DPRX: variants seen among roughly 807,000 people sequenced by gnomAD.
DPRX encodes the protein divergent-paired related homeobox.
Under a neutral mutation model 8.4 loss-of-function variants are expected in DPRX, and 11 were observed. That is an observed-to-expected ratio of 1.31 (90% CI 0.82 to 2.17). DPRX has a LOEUF of 2.17. Among genes scored for constraint, DPRX ranks in the 30% most tolerant of loss-of-function variants. The pLI, the probability that DPRX is intolerant of heterozygous loss-of-function variation, is 0.00. For missense variants in DPRX, 211 were observed against 236.7 expected (o/e 0.89, Z 0.71); for synonymous variants, 72 against 87.0 (o/e 0.83, Z 0.96).
chr19:53,618,639 A>T, the DPRX span, among the ~76,000 whole-genome samples: 1 of 145,782 alleles, frequency 6.9e-6, no homozygotes, highest in East Asian at 2.0e-4. Context: ...AAAAAAGAGT[A>T]CTAAAGACTC....
exon 2 of DPRX, chr19:53,634,585 T>C: frequency 6.2e-7 from 1 of 1,613,988 alleles, no homozygotes; most frequent in Non-Finnish European, 8.5e-7. Context: ...AAGAAGCAAC[T>C]GGAAGATCTG....
At chr19:53,620,606 C>G in the DPRX span, among the ~76,000 whole-genome samples, 8 of 152,066 alleles carry the variant, frequency 5.3e-5, no homozygotes, top group Non-Finnish European at 1.2e-4. Flanking sequence ...CTCAAGTGAT[C>G]TGTCTGCCTT....
At chr19:53,617,620 A>G in the DPRX span, among the ~76,000 whole-genome samples, 1 of 152,008 alleles carries the variant, frequency 6.6e-6, no homozygotes, top group Non-Finnish European at 1.5e-5. Flanking sequence ...GCTCCTGTCA[A>G]TGAAGTTTTA....
At chr19:53,603,393 G>A in the DPRX span, 5 of 456,346 alleles carry the variant, frequency 1.1e-5, no homozygotes, top group African/African-American at 4.0e-5. Context: ...GCCCCATCTC[G>A]GGGTGGGGAT....
At chr19:53,626,668 T>C in the DPRX span, among the ~76,000 whole-genome samples, 3 of 152,122 alleles carry the variant, frequency 2.0e-5, no homozygotes, top group African/African-American at 7.2e-5. Flanking sequence ...GGTTTGGCAA[T>C]GAGTGTTAGT....
chr19:53,618,008 GC>G, the DPRX span, among the ~76,000 whole-genome samples: 2 of 151,700 alleles, frequency 1.3e-5, no homozygotes, highest in South Asian at 2.1e-4. Context: ...CGTGGTGGTG[GC>G]GGGGCACCTG....
rs772049924 is a variant in DPRX at position 53,634,719 on chromosome 19, C to T, written c.183+34C>T. 7 of 1,593,454 alleles carry T rather than the reference C, an allele frequency of 4.4e-6. No homozygotes were observed. The South Asian group carries it at 6.9e-5, about 16-fold the overall frequency. On this transcript the variant is annotated intron_variant, in intron 2 of 2. Coordinates refer to ENST00000376650, the Ensembl canonical transcript of DPRX. ...ATGATCCCTCTTCTCACTAAACTGC[C>T]TTCCTGATCTAATCTAAATTCAGAG...
intron 1 of DPRX, among the ~76,000 whole-genome samples, chr19:53,633,024 G>T (rs1299687188): frequency 1.3e-5 from 2 of 152,062 alleles, no homozygotes; most frequent in South Asian, 4.2e-4. Flanking sequence ...CGAGGCATGC[G>T]GTGGCTCATG....
At chr19:53,634,766 G>A (rs1168625038) in intron 2 of DPRX, 81 bp downstream of exon 2, 1 of 1,510,152 alleles carries the variant, frequency 6.6e-7, no homozygotes, top group African/African-American at 1.4e-5. Context: ...TAATTCCTGA[G>A]GTCTCATTCC....
the DPRX span, chr19:53,604,535 T>A: frequency 6.6e-6 from 1 of 152,482 alleles, no homozygotes; most frequent in African/African-American, 2.4e-5. Flanking sequence ...CAGGGTGAGT[T>A]CCAATGTTCC....
At chr19:53,607,894 C>T in the DPRX span, among the ~76,000 whole-genome samples, 1 of 144,740 alleles carries the variant, frequency 6.9e-6, no homozygotes, top group Non-Finnish European at 1.5e-5. Context: ...AAAAACAGGC[C>T]AGGCACAGTG....
chr19:53,622,138 C>T, the DPRX span, among the ~76,000 whole-genome samples: 1 of 152,312 alleles, frequency 6.6e-6, no homozygotes, highest in Admixed American at 6.5e-5. Flanking sequence ...TCTGAGGAGG[C>T]ATCCCTTGGT....
At chr19:53,609,539 A>G in the DPRX span, among the ~76,000 whole-genome samples, 1 of 150,594 alleles carries the variant, frequency 6.6e-6, no homozygotes, top group African/African-American at 2.4e-5. Context: ...CATATAGAGC[A>G]ATGGTACAGT....
the DPRX span, among the ~76,000 whole-genome samples, chr19:53,618,150 AAAAAAG>A: frequency 1.5e-5 from 2 of 134,916 alleles, no homozygotes; most frequent in Non-Finnish European, 3.1e-5. Flanking sequence ...TTCAAAAAAA[AAAAAAG>A]AAAGAAAGAA....
chr19:53,636,813 AC>A lies in DPRX; in HGVS notation c.405del (p.Asn136ThrfsTer14), dbSNP rs2091114713. ...GTCCCCTCATTCCAGCTCATCCTGT[AC>A]CCCAACCTCAAGGTCCCTGCAAATG... On this transcript the variant is annotated frameshift_variant, in exon 3 of 3. Coordinates refer to ENST00000376650, the Ensembl canonical transcript of DPRX. LOFTEE classifies it low-confidence loss of function (END_TRUNC). 1.9e-6 allele frequency: 3 copies of A among 1,614,008 alleles called. No individual in the cohort carries two copies. The Admixed American group carries it at 5.0e-5, about 27-fold the overall frequency.
intron 1 of DPRX, among the ~76,000 whole-genome samples, 166 bp downstream of exon 1, chr19:53,632,300 GT>G (rs1282412434): frequency 7.2e-5 from 11 of 151,854 alleles, no homozygotes; most frequent in East Asian, 1.9e-4. Flanking sequence ...TTGTTGTTTT[GT>G]TTTGTTTTGT....
upstream of DPRX, among the ~76,000 whole-genome samples, chr19:53,628,241 C>T (rs2091078535): frequency 6.6e-6 from 1 of 152,104 alleles, no homozygotes; most frequent in Non-Finnish European, 1.5e-5. Flanking sequence ...AGGTTGAGAC[C>T]AGCCTGGGTA....
At chr19:53,616,859 T>C in the DPRX span, 1 of 1,596,828 alleles carries the variant, frequency 6.3e-7, no homozygotes, top group East Asian at 2.2e-5. Flanking sequence ...AACCTGAAGC[T>C]GAAGAAGCCG....
At chr19:53,625,290 C>T in the DPRX span, among the ~76,000 whole-genome samples, 5 of 152,044 alleles carry the variant, frequency 3.3e-5, no homozygotes, top group African/African-American at 9.7e-5. Context: ...TGGCCTCAAG[C>T]GATCCTCCCG....
Sources: allele counts gnomAD v4.1 joint callset (sites outside exome capture counted in the v4.1 genomes callset), GRCh38; gene constraint gnomAD v4.1.1; transcripts MANE v1.5; gene names NCBI Gene and HGNC (gene_info 2026-07-23, HGNC 2026-07-21).